The following FOXO3 variants were observed in gnomAD, a reference collection of about 807,000 sequenced individuals.
FOXO3 encodes forkhead box protein O3.
A neutral mutation model predicts 41.9 loss-of-function variants in FOXO3; 4 were observed. That is an observed-to-expected ratio of 0.10 (90% CI 0.05 to 0.22). FOXO3 has a LOEUF of 0.22. Ranked by LOEUF, FOXO3 falls within the 10% of genes least tolerant of loss-of-function variation. FOXO3 has a pLI of 1.00. For synonymous variants in FOXO3, 318 were observed against 389.3 expected (o/e 0.82, Z 2.16); for missense variants, 534 against 906.8 (o/e 0.59, Z 5.28).
Position 108,561,118 on chromosome 6 carries a change from T to C in FOXO3, c.-91T>C. ...CGGCGGCGCCCGGGAGCCGGAGCCT[T>C]CGCGGCGTCCACGTCCCTCCCCCGC... On this transcript the variant is annotated 5_prime_UTR_variant, in exon 1 of 3. Transcript: ENST00000406360. 7.0e-7 allele frequency: 1 copy of C among 1,435,670 alleles called. No individual in the cohort carries two copies. The allele number at this position is 1,435,670 out of a possible 1,614,324, so 88.9% of individuals were successfully genotyped here.
At chr6:108,586,917 A>G (rs1449895327) in intron 1 of FOXO3, among the ~76,000 whole-genome samples, 1 of 149,592 alleles carries the variant, frequency 6.7e-6, no homozygotes, top group Non-Finnish European at 1.5e-5. Flanking sequence ...CACCATTCTC[A>G]CTATAAACCT....
intron 1 of FOXO3, among the ~76,000 whole-genome samples, chr6:108,608,028 C>G (rs1389872660): frequency 6.6e-6 from 1 of 152,118 alleles, no homozygotes; most frequent in African/African-American, 2.4e-5. Context: ...CAGTCCTGCC[C>G]TATTTACTGC....
intron 1 of FOXO3, among the ~76,000 whole-genome samples, chr6:108,622,344 C>T (rs561152925): frequency 6.7e-6 from 1 of 149,382 alleles, no homozygotes; most frequent in South Asian, 2.1e-4. Context: ...GCGAAGCTTT[C>T]TATCTTGCTT....
intron 1 of FOXO3, among the ~76,000 whole-genome samples, chr6:108,565,908 C>T (rs1283316820): frequency 2.0e-5 from 3 of 152,154 alleles, no homozygotes; most frequent in African/African-American, 7.2e-5. Context: ...AATCATTCCA[C>T]ATTGGCTCAT....
rs560535953 is a variant in FOXO3, at chr6:108,608,800, A to G, written c.621+46971A>G. ...TTCAGAAAGTTTGAAGAAATATCCT[A>G]TTCTCAGAGAGAGGGTAGGGGAAAG... On this transcript the variant is annotated intron_variant, in intron 1 of 2. Transcript: ENST00000406360. 2.0e-5 allele frequency among the ~76,000 whole-genome samples: 3 copies of G among 152,322 alleles called. No individual in the cohort carries two copies. In the South Asian group the frequency reaches 6.2e-4, roughly 32 times the overall value.
At chr6:108,586,207 C>T (rs1253742543) in intron 1 of FOXO3, among the ~76,000 whole-genome samples, 2 of 152,156 alleles carry the variant, frequency 1.3e-5, no homozygotes, top group African/African-American at 4.8e-5. Flanking sequence ...TTGACAGGCA[C>T]CAGAATTAGG....
chr6:108,674,414 G>A (rs546352674), intron 2 of FOXO3, among the ~76,000 whole-genome samples: 3 of 152,194 alleles, frequency 2.0e-5, no homozygotes, highest in African/African-American at 4.8e-5. Flanking sequence ...TGTGCTGCAC[G>A]AGGGAAGATA....
At position 108,664,599 on chromosome 6, in the gene FOXO3, G is replaced by C; in HGVS notation, c.1766G>C (p.Gly589Ala). The C allele has an allele frequency of 1.0e-6, 1 of 994,086 alleles. No individual in the cohort carries two copies. 61.6% of individuals were successfully genotyped at this position (994,086 alleles called of 1,614,324 possible). ...CAAACCCTCTCGGACTCTCTCTCAG[G>C]CTCCTCCTTGTACTCAACTAGTGCA... Reference protein sequence around the residue: ...SMQTLSDSLSGSSLYSTSANL... With the variant: ...SMQTLSDSLSASSLYSTSANL... The change falls in exon 2 of 3, where the codon GGC (glycine) becomes GCC (alanine). Residue 589 changes from glycine (G) to alanine (A), a missense_variant. Around this residue, in one of 8 missense-constraint regions of FOXO3, gnomAD observed 94 missense variants for 214.4 expected, o/e 0.44. Coordinates refer to ENST00000406360, the MANE Select transcript of FOXO3 (RefSeq NM_001455.4).
chr6:108,594,014 C>T (rs899325037), intron 1 of FOXO3, among the ~76,000 whole-genome samples: 5 of 151,944 alleles, frequency 3.3e-5, no homozygotes, highest in Admixed American at 2.6e-4. Context: ...CCACCGTGAC[C>T]GGCCTTTGCT....
chr6:108,626,505 G>A (rs1206216639), intron 1 of FOXO3, among the ~76,000 whole-genome samples: 1 of 152,128 alleles, frequency 6.6e-6, no homozygotes, highest in East Asian at 1.9e-4. Context: ...TTGAGATGAA[G>A]AACAACTATC....
chr6:108,609,194 G>C (rs1450671483), intron 1 of FOXO3, among the ~76,000 whole-genome samples: 1 of 152,178 alleles, frequency 6.6e-6, no homozygotes, highest in Non-Finnish European at 1.5e-5. Context: ...TGAGTAAATG[G>C]ATTATCTCTA....
At chr6:108,611,100 T>C (rs1437512585) in intron 1 of FOXO3, among the ~76,000 whole-genome samples, 2 of 95,038 alleles carry the variant, frequency 2.1e-5, no homozygotes, top group Admixed American at 1.7e-4. Context: ...GTAGAGTCAT[T>C]ACTGTATGTA....
intron 1 of FOXO3, among the ~76,000 whole-genome samples, chr6:108,562,746 G>T (rs1170315717): frequency 1.3e-5 from 2 of 152,204 alleles, no homozygotes; most frequent in African/African-American, 4.8e-5. Flanking sequence ...TCCTCTTGGG[G>T]CACGGGACAC....
In FOXO3 at chr6:108,561,638, T is replaced by G. The variant is rs1206710113; in HGVS notation, c.430T>G (p.Ser144Ala). 4 of 1,572,930 alleles carry G rather than the reference T, an allele frequency of 2.5e-6. No homozygotes were observed. Among genetic ancestry groups the G allele is most frequent in the Non-Finnish European group, 3.4e-6 (4 of 1,159,920 alleles). ...PPPQPGAAGGSGQPRKCSSRR... is the reference protein window; with the variant it reads ...PPPQPGAAGGAGQPRKCSSRR... ...GCCGCAGCCGGGGGCGGCTGGGGGC[T>G]CCGGGCAGCCGAGGAAATGTTCGTC... The change falls in exon 1 of 3, where the codon TCC becomes GCC. Residue 144 changes from serine to alanine, a missense_variant. This residue lies in a region of FOXO3 where 139 missense variants were observed against 163.7 expected (regional missense o/e 0.85). Transcript: ENST00000406360.
chr6:108,567,446 G>A (rs1284093412), intron 1 of FOXO3, among the ~76,000 whole-genome samples: 1 of 152,044 alleles, frequency 6.6e-6, no homozygotes, highest in Non-Finnish European at 1.5e-5. Context: ...TTCCTCTGGA[G>A]TGGATGTGGA....
At chr6:108,620,113 A>G (rs148470801) in intron 1 of FOXO3, among the ~76,000 whole-genome samples, 3 of 152,272 alleles carry the variant, frequency 2.0e-5, no homozygotes, top group East Asian at 3.9e-4. Flanking sequence ...CCCCAGACCA[A>G]TTTCTAACAG....
intron 1 of FOXO3, chr6:108,639,579 A>T: frequency 1.0e-6 from 1 of 985,358 alleles, no homozygotes; most frequent in Non-Finnish European, 1.2e-6. Context: ...TTCAGAAAGG[A>T]GCAAGTGGAG....
intron 2 of FOXO3, among the ~76,000 whole-genome samples, chr6:108,666,839 C>T (rs1389697543): frequency 6.6e-6 from 1 of 152,160 alleles, no homozygotes; most frequent in African/African-American, 2.4e-5. Context: ...AACAGGTTTG[C>T]ACCCCTAGCC....
intron 1 of FOXO3, among the ~76,000 whole-genome samples, chr6:108,580,519 G>A (rs1039797902): frequency 6.6e-6 from 1 of 152,178 alleles, no homozygotes; most frequent in African/African-American, 2.4e-5. Context: ...AGGAAACTGA[G>A]GTACGAAACG....
Sources: allele counts gnomAD v4.1 joint callset (sites outside exome capture counted in the v4.1 genomes callset), GRCh38; gene constraint gnomAD v4.1.1; regional missense constraint gnomAD v4.1.1; transcripts MANE v1.5; gene names NCBI Gene and HGNC (gene_info 2026-07-23, HGNC 2026-07-21).